The following GART variants were observed in gnomAD, a reference collection of about 807,000 sequenced individuals.
The protein encoded by GART is trifunctional purine biosynthetic protein adenosine-3.
A neutral mutation model predicts 107.2 loss-of-function variants in GART; 43 were observed. The ratio of observed to expected loss-of-function variants is 0.40; its 90% confidence interval spans 0.31 to 0.52. GART has a LOEUF of 0.52. Ranked by LOEUF, GART falls within the 20% of genes least tolerant of loss-of-function variation. The pLI is 0.52. For missense variants in GART, 1,107 were observed against 1,206.5 expected (o/e 0.92, Z 1.22); for synonymous variants, 434 against 427.0 (o/e 1.02, Z -0.20).
At chr21:33,523,021 CTA>C (rs1172445699) in intron 11 of GART, among the ~76,000 whole-genome samples, 2 of 152,180 alleles carry the variant, frequency 1.3e-5, no homozygotes, top group East Asian at 3.8e-4. Context: ...ACAGTAAACA[CTA>C]TGACAAAAGC....
At chr21:33,534,438 A>C in intron 4 of GART, 141 bp downstream of exon 4, 1 of 779,560 alleles carries the variant, frequency 1.3e-6, no homozygotes, top group Non-Finnish European at 2.1e-6. Flanking sequence ...GCTGGTCTCT[A>C]ACTCCTGAGC....
At position 33,540,855 on chromosome 21, in the gene GART, G is replaced by C. The variant is rs75842131; in HGVS notation, c.-42+1210C>G. On this transcript the variant is annotated intron_variant, in intron 1 of 21. Transcript: ENST00000381815. ...ACTATTTAAAATGCTTGTCATGAAAGAATCCTATGAGGGAGATACTATTAC... is the reference window on the plus strand; with the variant it reads ...ACTATTTAAAATGCTTGTCATGAAACAATCCTATGAGGGAGATACTATTAC... Among the ~76,000 whole-genome samples the C allele has an allele frequency of 1.6e-4, 25 of 152,216 alleles. 1 individual carries two copies. In the East Asian group the frequency reaches 4.3e-3, roughly 26 times the overall value.
intron 2 of GART, among the ~76,000 whole-genome samples, chr21:33,538,228 T>G: frequency 2.6e-5 from 3 of 115,638 alleles, no homozygotes; most frequent in East Asian, 2.4e-4. Context: ...TGGGTGAGAG[T>G]GAGACTCTGT....
intron 18 of GART, chr21:33,509,294 A>G (rs1343719627): frequency 1.3e-5 from 2 of 152,678 alleles, no homozygotes; most frequent in Admixed American, 6.5e-5. Flanking sequence ...TCAAATAAAA[A>G]AAAATCACAT....
intron 16 of GART, among the ~76,000 whole-genome samples, chr21:33,513,606 A>G (rs1465201251): frequency 6.6e-6 from 1 of 152,110 alleles, no homozygotes; most frequent in Non-Finnish European, 1.5e-5. Context: ...AATGAATCAC[A>G]TGTCTATGAC....
chr21:33,533,215 G>A (rs1399768581), intron 4 of GART, among the ~76,000 whole-genome samples: 4 of 151,810 alleles, frequency 2.6e-5, no homozygotes, highest in Non-Finnish European at 4.4e-5. Flanking sequence ...CGAGGCGGGC[G>A]GATCACGAGG....
intron 6 of GART, 103 bp from the exon 7 acceptor site, chr21:33,530,987 A>AT: frequency 1.8e-6 from 2 of 1,122,876 alleles, no homozygotes; most frequent in Non-Finnish European, 2.4e-6. Flanking sequence ...TTTGAGGAAA[A>AT]GTTTGTTTTT....
chr21:33,537,713 G>A (rs888313324), intron 2 of GART, among the ~76,000 whole-genome samples: 3 of 152,116 alleles, frequency 2.0e-5, no homozygotes, highest in African/African-American at 7.2e-5. Flanking sequence ...GCAAGCTTCT[G>A]CTTGGGAAAT....
chr21:33,514,352 T>A (rs888830921), intron 16 of GART, among the ~76,000 whole-genome samples: 1 of 152,216 alleles, frequency 6.6e-6, no homozygotes, highest in African/African-American at 2.4e-5. Context: ...CTTTAGAGGC[T>A]GATGCAAGGA....
chr21:33,528,631 A>AAG (rs5843611), intron 8 of GART, 27 bp from the exon 9 acceptor site: 1 of 1,439,330 alleles, frequency 6.9e-7, no homozygotes, highest in Non-Finnish European at 9.4e-7. Flanking sequence ...AAAAAAAAAA[A>AAG]AGAGAGAAAG....
intron 2 of GART, among the ~76,000 whole-genome samples, chr21:33,536,721 C>T (rs2085312221): frequency 6.6e-6 from 1 of 152,116 alleles, no homozygotes; most frequent in Non-Finnish European, 1.5e-5. Context: ...AACACATGCA[C>T]TGAGATAATA....
intron 10 of GART, 49 bp downstream of exon 10, chr21:33,528,118 G>C (rs748347992): frequency 6.4e-7 from 1 of 1,569,174 alleles, no homozygotes; most frequent in Non-Finnish European, 8.8e-7. Context: ...CTGCTGTGGT[G>C]CTGGCACTTG....
intron 11 of GART, among the ~76,000 whole-genome samples, chr21:33,522,685 A>C (rs1365881445): frequency 6.6e-6 from 1 of 152,214 alleles, no homozygotes; most frequent in Non-Finnish European, 1.5e-5. Context: ...AATAGTATTG[A>C]ATACAATTAT....
chr21:33,515,652 CAAAAAAAAA>C (rs71194850), intron 16 of GART, among the ~76,000 whole-genome samples: 1,072 of 35,856 alleles, frequency 0.03, 17 homozygotes, highest in Middle Eastern at 0.083. Context: ...GACTCCAACT[CAAAAAAAAA>C]AAAAAAAAAA....
intron 11 of GART, chr21:33,524,128 C>G: frequency 1.0e-6 from 1 of 985,348 alleles, no homozygotes; most frequent in Non-Finnish European, 1.2e-6. Flanking sequence ...TAAAATGAGA[C>G]TGTCAAACTT....
At chr21:33,535,943 G>C (rs756587009) in intron 2 of GART, among the ~76,000 whole-genome samples, 19 of 151,936 alleles carry the variant, frequency 1.3e-4, no homozygotes, top group Non-Finnish European at 2.5e-4. Context: ...CAGGAGAATC[G>C]CTTGAACTGG....
At chr21:33,525,651 G>C (rs2085059370) in intron 10 of GART, among the ~76,000 whole-genome samples, 1 of 152,012 alleles carries the variant, frequency 6.6e-6, no homozygotes, top group Non-Finnish European at 1.5e-5. Context: ...GGATGGTCTT[G>C]ACCTCCTGAT....
chr21:33,541,880 G>A (rs1186303161), intron 1 of GART, among the ~76,000 whole-genome samples, 185 bp downstream of exon 1: 1 of 152,176 alleles, frequency 6.6e-6, no homozygotes, highest in Non-Finnish European at 1.5e-5. Context: ...AAAAGTAAAA[G>A]AGCAAATAGA....
chr21:33,516,917 CAT>C, intron 16 of GART, 70 bp downstream of exon 16: 2 of 1,322,682 alleles, frequency 1.5e-6, no homozygotes, highest in East Asian at 2.3e-5. Context: ...ATTAACTACC[CAT>C]AGTTTTCTCG....
Sources: gnomAD v4.1 joint callset for allele counts (sites outside exome capture counted in the v4.1 genomes callset) on GRCh38, gnomAD v4.1.1 for gene constraint, MANE v1.5 for transcripts, NCBI Gene and HGNC (gene_info 2026-07-23, HGNC 2026-07-21) for gene names.